The following L3MBTL4 variants were observed in gnomAD, a reference collection of about 807,000 sequenced individuals.
The protein encoded by L3MBTL4 is lethal(3)malignant brain tumor-like protein 4.
A neutral mutation model predicts 84.5 loss-of-function variants in L3MBTL4; 70 were observed. The observed-to-expected ratio is 0.83, with a 90% CI of 0.68 to 1.01. The LOEUF (loss-of-function observed/expected upper bound fraction) is 1.01, where lower values mean the gene tolerates loss of function less well. L3MBTL4 is among the 50% of genes least tolerant of loss of function. The pLI, the probability that L3MBTL4 is intolerant of heterozygous loss-of-function variation, is 0.00. For synonymous variants in L3MBTL4, 274 were observed against 259.8 expected (o/e 1.05, Z -0.52); for missense variants, 715 against 754.8 (o/e 0.95, Z 0.62).
chr18:6,298,178 C>T (rs1481612123), intron 4 of L3MBTL4, among the ~76,000 whole-genome samples: 1 of 152,160 alleles, frequency 6.6e-6, no homozygotes, highest in Admixed American at 6.5e-5. Context: ...CCCCATCCCA[C>T]CAGCAAGGAG....
intron 15 of L3MBTL4, among the ~76,000 whole-genome samples, chr18:6,084,076 T>C (rs796612739): frequency 2.1e-4 from 32 of 152,138 alleles, no homozygotes; most frequent in African/African-American, 7.5e-4. Context: ...TCTATTTATG[T>C]GTTCAAAAGG....
At chr18:6,286,009 T>C (rs1204049917) in intron 4 of L3MBTL4, among the ~76,000 whole-genome samples, 2 of 151,334 alleles carry the variant, frequency 1.3e-5, no homozygotes, top group African/African-American at 4.8e-5. Context: ...TTTTTGTATT[T>C]CTAGTAGAGA....
At chr18:6,092,772 G>T (rs2058502728) in intron 15 of L3MBTL4, among the ~76,000 whole-genome samples, 1 of 152,174 alleles carries the variant, frequency 6.6e-6, no homozygotes, top group Non-Finnish European at 1.5e-5. Context: ...GGCTGTACTT[G>T]CAGCTCCTTA....
chr18:5,967,969 G>T (rs149494400), intron 17 of L3MBTL4, among the ~76,000 whole-genome samples: 3 of 152,364 alleles, frequency 2.0e-5, no homozygotes, highest in Admixed American at 2.0e-4. Flanking sequence ...TCACGATCTG[G>T]ACTCTGTTGC....
chr18:6,117,961 C>T (rs954823979), intron 14 of L3MBTL4, among the ~76,000 whole-genome samples: 1 of 152,128 alleles, frequency 6.6e-6, no homozygotes, highest in African/African-American at 2.4e-5. Context: ...CTGTCAACCA[C>T]AGGCTCAGGT....
chr18:6,167,977 G>T (rs1160238015), intron 13 of L3MBTL4, among the ~76,000 whole-genome samples: 3 of 152,138 alleles, frequency 2.0e-5, no homozygotes, highest in African/African-American at 7.2e-5. Flanking sequence ...CTTCAGCAAA[G>T]TCTCAGGATA....
At chr18:6,241,523 C>A in intron 7 of L3MBTL4, 74 bp from the exon 8 acceptor site, 2 of 816,116 alleles carry the variant, frequency 2.5e-6, no homozygotes, top group Non-Finnish European at 2.0e-6. Context: ...TAGGTTGGTG[C>A]AAAAGTAAGT....
chr18:6,330,272 C>T (rs897962729), intron 1 of L3MBTL4, among the ~76,000 whole-genome samples: 2 of 152,200 alleles, frequency 1.3e-5, no homozygotes, highest in East Asian at 3.8e-4. Context: ...TAAAACAACA[C>T]AAATGTATTA....
intron 16 of L3MBTL4, among the ~76,000 whole-genome samples, chr18:6,040,237 T>G (rs921900266): frequency 2.6e-5 from 4 of 152,160 alleles, no homozygotes; most frequent in Non-Finnish European, 5.9e-5. Flanking sequence ...ACATTAAAGA[T>G]TTCCTCTAAA....
intron 12 of L3MBTL4, among the ~76,000 whole-genome samples, chr18:6,199,521 G>T (rs1313672748): frequency 6.6e-6 from 1 of 152,154 alleles, no homozygotes; most frequent in East Asian, 1.9e-4. Flanking sequence ...ACTGTATAGA[G>T]ACCACCAGTA....
intron 16 of L3MBTL4, among the ~76,000 whole-genome samples, chr18:5,993,808 A>G (rs1026825306): frequency 6.6e-6 from 1 of 152,164 alleles, no homozygotes; most frequent in Non-Finnish European, 1.5e-5. Flanking sequence ...TAGATACTGT[A>G]TTTTCCCCAA....
intron 3 of L3MBTL4, among the ~76,000 whole-genome samples, chr18:6,307,955 C>A (rs2050664799): frequency 6.6e-6 from 1 of 152,116 alleles, no homozygotes; most frequent in African/African-American, 2.4e-5. Flanking sequence ...TTTGAAATTT[C>A]ACAGCCTGTA....
intron 13 of L3MBTL4, among the ~76,000 whole-genome samples, chr18:6,149,411 G>C (rs953623021): frequency 2.6e-5 from 4 of 151,772 alleles, no homozygotes; most frequent in Non-Finnish European, 5.9e-5. Flanking sequence ...GTATTCCATG[G>C]TGTATATGTG....
chr18:6,070,632 C>G (rs1356790266), intron 16 of L3MBTL4, among the ~76,000 whole-genome samples: 1 of 151,278 alleles, frequency 6.6e-6, no homozygotes, highest in Admixed American at 6.6e-5. Flanking sequence ...GCCTGAGCAA[C>G]ATAGTGAGAT....
chr18:6,138,891 A>G (rs1043191230), intron 13 of L3MBTL4, among the ~76,000 whole-genome samples: 1 of 152,216 alleles, frequency 6.6e-6, no homozygotes, highest in Admixed American at 6.5e-5. Flanking sequence ...GAGATTAATA[A>G]TGGCAAAGAC....
intron 6 of L3MBTL4, among the ~76,000 whole-genome samples, chr18:6,244,025 ATATT>A (rs2047556478): frequency 6.6e-6 from 1 of 152,232 alleles, no homozygotes; most frequent in Non-Finnish European, 1.5e-5. Flanking sequence ...ATTTAATAAT[ATATT>A]TAGTAAGTAT....
intron 4 of L3MBTL4, among the ~76,000 whole-genome samples, chr18:6,300,867 G>A (rs1238684507): frequency 2.0e-5 from 3 of 152,128 alleles, no homozygotes; most frequent in Non-Finnish European, 4.4e-5. Flanking sequence ...ACATAACTGA[G>A]GTATATTTTG....
At chr18:6,003,633 T>C (rs897780732) in intron 16 of L3MBTL4, among the ~76,000 whole-genome samples, 4 of 152,062 alleles carry the variant, frequency 2.6e-5, no homozygotes, top group African/African-American at 7.2e-5. Context: ...TTCTCCAGGA[T>C]AGACTATATA....
intron 14 of L3MBTL4, among the ~76,000 whole-genome samples, chr18:6,122,745 T>A (rs1030680985): frequency 4.6e-5 from 7 of 152,246 alleles, no homozygotes; most frequent in Non-Finnish European, 8.8e-5. Context: ...GGCCGTATTA[T>A]CTCTTTGAAT....
Sources: gnomAD v4.1 joint callset for allele counts (sites outside exome capture counted in the v4.1 genomes callset) on GRCh38, gnomAD v4.1.1 for gene constraint, MANE v1.5 for transcripts, NCBI Gene and HGNC (gene_info 2026-07-23, HGNC 2026-07-21) for gene names.